Variants in SLC38A8 observed in about 807,000 individuals in gnomAD.
SLC38A8 encodes the protein amino acid transporter SLC38A8.
Under a neutral mutation model 46.0 loss-of-function variants are expected in SLC38A8, and 65 were observed. The observed-to-expected ratio is 1.41, with a 90% CI of 1.16 to 1.74. The LOEUF is 1.74. Among genes scored for constraint, SLC38A8 ranks in the 40% most tolerant of loss-of-function variants. The pLI, the probability that SLC38A8 is intolerant of heterozygous loss-of-function variation, is 0.00. For missense variants in SLC38A8, 998 were observed against 567.9 expected, an observed-to-expected ratio of 1.76 and a Z score of -7.70; for synonymous variants, 447 against 243.7, an observed-to-expected ratio of 1.83 and a Z score of -7.77.
rs200911701 is a variant in SLC38A8 at position 84,016,675 on chromosome 16, T to C, written c.1006A>G (p.Ser336Gly). ...AGCCCTGAGGGGTCGGCCAGGGCGC[T>C]GGGCCCCCATCCCCCCAAGCAGCTC... ...RRSCLGGWGP[S>G]ALADPSGLWV... Residue 336 changes from serine to glycine, a missense_variant, in exon 9 of 11, where the codon AGC becomes GGC. Transcript: ENST00000299709. 8.7e-6 allele frequency: 14 copies of C among 1,613,412 alleles called. No homozygotes were observed. Among genetic ancestry groups the C allele is most frequent in the African/African-American group, 4.0e-5 (3 of 74,922 alleles).
intron 9 of SLC38A8, among the ~76,000 whole-genome samples, chr16:84,014,847 T>A (rs2085006261): frequency 6.6e-6 from 1 of 152,164 alleles, no homozygotes. Flanking sequence ...AACCAACATT[T>A]CTCTGTGGCC....
rs140582456 is a variant in SLC38A8 at position 84,042,074 on chromosome 16, G to A, written c.84C>T (p.Gly28=). Residue 28 remains glycine, a synonymous_variant, in exon 2 of 11, where the codon GGC becomes GGT. Coordinates refer to ENST00000299709, the MANE Select transcript of SLC38A8 (RefSeq NM_001080442.3). ...ATAAATLSSM[G]AVFILMKSAL... ...CGGACTTCATGAGGATGAAGACAGC[G>A]CCCATCGAGGACAGAGTGGCAGCAG... The A allele has an allele frequency of 2.4e-5, 39 of 1,614,038 alleles. No homozygotes were observed. Among genetic ancestry groups the A allele is most frequent in the African/African-American group, 1.3e-4 (10 of 75,038 alleles).
At chr16:84,021,301 G>T (rs925600105) in intron 7 of SLC38A8, among the ~76,000 whole-genome samples, 1 of 152,188 alleles carries the variant, frequency 6.6e-6, no homozygotes, top group Non-Finnish European at 1.5e-5. Context: ...CTGACCTCAA[G>T]TGATCCACCT....
At chr16:84,028,419 A>G (rs1348451460) in intron 6 of SLC38A8, among the ~76,000 whole-genome samples, 1 of 151,730 alleles carries the variant, frequency 6.6e-6, no homozygotes, top group Admixed American at 6.6e-5. Context: ...CCTCTGTACT[A>G]AAAATACCAA....
At chr16:84,031,210 T>C (rs2085234149) in intron 5 of SLC38A8, among the ~76,000 whole-genome samples, 1 of 152,102 alleles carries the variant, frequency 6.6e-6, no homozygotes, top group South Asian at 2.1e-4. Flanking sequence ...TGGCTGAATT[T>C]TATATTTTTA....
intron 2 of SLC38A8, among the ~76,000 whole-genome samples, chr16:84,039,743 C>CAAA (rs56074069): frequency 1.0e-4 from 9 of 85,796 alleles, no homozygotes; most frequent in African/African-American, 1.9e-4. Context: ...GTGAGACCTT[C>CAAA]AAAAAAAAAA....
intron 6 of SLC38A8, among the ~76,000 whole-genome samples, chr16:84,028,553 A>T (rs1290180259): frequency 1.4e-5 from 2 of 144,070 alleles, no homozygotes; most frequent in Non-Finnish European, 3.0e-5. Context: ...TAAGAATGAG[A>T]CTCCAACTCA....
chr16:84,014,763 G>A (rs973389391), intron 9 of SLC38A8, among the ~76,000 whole-genome samples: 1 of 152,196 alleles, frequency 6.6e-6, no homozygotes, highest in African/African-American at 2.4e-5. Context: ...CTACATCAAA[G>A]ACAACCCCTG....
chr16:84,034,841 T>C (rs1364802356), intron 3 of SLC38A8, among the ~76,000 whole-genome samples: 1 of 151,612 alleles, frequency 6.6e-6, no homozygotes, highest in African/African-American at 2.4e-5. Context: ...CATCTGGACC[T>C]CCCATAGCCA....
chr16:84,024,689 GAGAGTCGCTCAAGCCTGGGAGGC>G (rs1191853520), intron 6 of SLC38A8, among the ~76,000 whole-genome samples: 1 of 152,072 alleles, frequency 6.6e-6, no homozygotes, highest in Non-Finnish European at 1.5e-5. Context: ...GCTAAGGCAG[GAGAGTCGCTCAAGCCTGGGAGGC>G]AGAGTCTCGC....
At chr16:84,014,476 G>C (rs73240258) in intron 9 of SLC38A8, among the ~76,000 whole-genome samples, 7,302 of 151,764 alleles carry the variant, frequency 0.048, 213 homozygotes, top group South Asian at 0.1. Flanking sequence ...GGGAGGAGCT[G>C]TATAGCCACA....
intron 6 of SLC38A8, among the ~76,000 whole-genome samples, chr16:84,025,642 A>C (rs768815837): frequency 6.6e-6 from 1 of 152,122 alleles, no homozygotes; most frequent in East Asian, 1.9e-4. Flanking sequence ...AGCAGCCACC[A>C]GGCCTCCCTC....
chr16:84,022,769 C>T lies in SLC38A8; in HGVS notation c.805+6G>A, dbSNP rs543257778. The T allele has an allele frequency of 1.6e-4, 259 of 1,613,222 alleles. 1 individual carries two copies. In the South Asian group the frequency reaches 2.0e-3, roughly 12 times the overall value. On this transcript the variant is annotated splice_donor_region_variant and intron_variant, in intron 7 of 10. Transcript: ENST00000299709. ...CCTCTGCAGGGGTGCCTGGGAAGGGCCTTACCCGTCAGTGAATAGATGAGG... is the reference window on the plus strand; with the variant it reads ...CCTCTGCAGGGGTGCCTGGGAAGGGTCTTACCCGTCAGTGAATAGATGAGG...
chr16:84,011,214 T>C (rs895137177), intron 10 of SLC38A8, among the ~76,000 whole-genome samples: 3 of 152,156 alleles, frequency 2.0e-5, no homozygotes, highest in South Asian at 2.1e-4. Flanking sequence ...GCTGATGTAT[T>C]AGAAGGACCC....
intron 9 of SLC38A8, among the ~76,000 whole-genome samples, chr16:84,014,130 C>G (rs926496285): frequency 6.7e-6 from 1 of 149,294 alleles, no homozygotes; most frequent in African/African-American, 2.6e-5. Context: ...AAAACCTCCT[C>G]TCAGAGCCTG....
intron 6 of SLC38A8, among the ~76,000 whole-genome samples, chr16:84,028,764 G>C (rs1055207379): frequency 4.6e-5 from 7 of 150,664 alleles, no homozygotes; most frequent in African/African-American, 4.9e-5. Flanking sequence ...GCTGTGCCTG[G>C]GGCCCGCTCA....
intron 8 of SLC38A8, 123 bp from the exon 9 acceptor site, chr16:84,016,850 G>A (rs1398016566): frequency 2.6e-6 from 3 of 1,175,862 alleles, no homozygotes; most frequent in Non-Finnish European, 3.5e-6. Flanking sequence ...CCACACTCAG[G>A]TGTTTATTCC....
At chr16:84,037,127 C>T (rs989457043) in intron 2 of SLC38A8, among the ~76,000 whole-genome samples, 27 of 152,214 alleles carry the variant, frequency 1.8e-4, no homozygotes, top group African/African-American at 5.8e-4. Flanking sequence ...GGCAGGCTCA[C>T]TGGCTCTAGG....
intron 4 of SLC38A8, among the ~76,000 whole-genome samples, chr16:84,033,061 G>A (rs912863011): frequency 5.9e-5 from 9 of 151,380 alleles, no homozygotes; most frequent in East Asian, 3.9e-4. Flanking sequence ...GTGGGGAGGC[G>A]TCTCTCTCTC....
Sources: allele counts gnomAD v4.1 joint callset (sites outside exome capture counted in the v4.1 genomes callset), GRCh38; gene constraint gnomAD v4.1.1; transcripts MANE v1.5; gene names NCBI Gene and HGNC (gene_info 2026-07-23, HGNC 2026-07-21).